METTL15: variants seen among roughly 807,000 people sequenced by gnomAD.
The protein encoded by METTL15 is 12S rRNA N(4)-cytidine methyltransferase METTL15.
Under a neutral mutation model 38.3 loss-of-function variants are expected in METTL15, and 34 were observed. The observed-to-expected ratio is 0.89, with a 90% CI of 0.68 to 1.18. The LOEUF is 1.18. METTL15 is among the 50% of genes most tolerant of loss of function. The pLI, the probability that METTL15 is intolerant of heterozygous loss-of-function variation, is 0.00. For missense variants in METTL15, 438 were observed against 498.4 expected (o/e 0.88, Z 1.15); for synonymous variants, 162 against 170.9 (o/e 0.95, Z 0.41).
At chr11:28,144,977 C>A in intron 3 of METTL15, 1 of 208,604 alleles carries the variant, frequency 4.8e-6, no homozygotes, top group South Asian at 9.6e-5. Context: ...GCCACTGAAC[C>A]ATTCAGCACA....
intron 4 of METTL15, among the ~76,000 whole-genome samples, chr11:28,285,138 G>A (rs540383225): frequency 6.6e-6 from 1 of 152,152 alleles, no homozygotes; most frequent in South Asian, 2.1e-4. Flanking sequence ...CTTCCACCAT[G>A]ATTATAAATT....
At chr11:28,457,171 A>T (rs1039003290) in intron 6 of METTL15, among the ~76,000 whole-genome samples, 3 of 152,218 alleles carry the variant, frequency 2.0e-5, no homozygotes, top group Non-Finnish European at 4.4e-5. Flanking sequence ...CTGCCTCTGG[A>T]TGTTTTAAGC....
At chr11:28,400,139 A>G (rs1850616948) in intron 5 of METTL15, among the ~76,000 whole-genome samples, 2 of 151,966 alleles carry the variant, frequency 1.3e-5, no homozygotes, top group African/African-American at 4.8e-5. Context: ...ATTTGGGATC[A>G]TAGATTTGGC....
chr11:28,181,052 CCT>C (rs1362290701), intron 3 of METTL15, among the ~76,000 whole-genome samples: 1 of 151,472 alleles, frequency 6.6e-6, no homozygotes, highest in African/African-American at 2.4e-5. Context: ...TCTCTCCTTT[CCT>C]CTTTGTCCTG....
At chr11:28,430,566 G>A (rs1332956786) in intron 6 of METTL15, among the ~76,000 whole-genome samples, 2 of 38,094 alleles carry the variant, frequency 5.3e-5, no homozygotes, top group East Asian at 8.9e-4. Context: ...TCAGCCCCCC[G>A]CCTGGCCAGC....
intron 3 of METTL15, among the ~76,000 whole-genome samples, chr11:28,130,905 T>C (rs1168513536): frequency 6.6e-6 from 1 of 152,200 alleles, no homozygotes; most frequent in Non-Finnish European, 1.5e-5. Flanking sequence ...AATGACATTT[T>C]GTTTTAGGCT....
intron 6 of METTL15, among the ~76,000 whole-genome samples, chr11:28,496,112 G>A (rs930391768): frequency 1.3e-5 from 2 of 152,150 alleles, no homozygotes; most frequent in African/African-American, 2.4e-5. Context: ...TTCTCACACT[G>A]CTAATAAAGA....
In METTL15 at chr11:28,264,441, C is replaced by A. The variant is rs1220935289; in HGVS notation, c.408-25765C>A. Among the ~76,000 whole-genome samples, 3 of 151,880 alleles carry A rather than the reference C, an allele frequency of 2.0e-5. No individual in the cohort carries two copies. The East Asian group carries it at 5.8e-4, about 29-fold the overall frequency. On this transcript the variant is annotated intron_variant, in intron 4 of 6. Transcript: ENST00000407364. Reference sequence around the variant, plus strand: ...CTCAAAAATCAAAGTAGAATGAGAACCCTACCTTAAAATATGTTTGTTTGT... The same window carrying A: ...CTCAAAAATCAAAGTAGAATGAGAAACCTACCTTAAAATATGTTTGTTTGT...
chr11:28,446,997 T>G (rs1465822679), intron 6 of METTL15, among the ~76,000 whole-genome samples: 1 of 152,154 alleles, frequency 6.6e-6, no homozygotes, highest in Non-Finnish European at 1.5e-5. Context: ...TGTTGTTTTC[T>G]GAGTTTAAAA....
intron 4 of METTL15, among the ~76,000 whole-genome samples, chr11:28,230,561 CATAT>C (rs1331740460): frequency 6.6e-6 from 1 of 151,780 alleles, no homozygotes; most frequent in Non-Finnish European, 1.5e-5. Flanking sequence ...TATTTAGAGA[CATAT>C]TTTATTACAT....
chr11:28,307,823 A>G (rs1012826958), intron 6 of METTL15, among the ~76,000 whole-genome samples: 15 of 152,004 alleles, frequency 9.9e-5, no homozygotes, highest in Non-Finnish European at 2.9e-5. Context: ...GATCTTTCCT[A>G]GTTACATAGC....
At chr11:28,380,168 C>CTTT (rs34704753) in intron 5 of METTL15, among the ~76,000 whole-genome samples, 53 of 124,076 alleles carry the variant, frequency 4.3e-4, no homozygotes, top group Non-Finnish European at 5.7e-4. Flanking sequence ...CCACTTTATG[C>CTTT]TTTTTTTTTT....
chr11:28,298,934 G>T (rs1251048668), intron 6 of METTL15, among the ~76,000 whole-genome samples: 1 of 151,936 alleles, frequency 6.6e-6, no homozygotes, highest in African/African-American at 2.4e-5. Flanking sequence ...AAATACTAAA[G>T]GTAAAATAGG....
At chr11:28,242,815 G>C (rs1418216171) in intron 4 of METTL15, among the ~76,000 whole-genome samples, 1 of 152,146 alleles carries the variant, frequency 6.6e-6, no homozygotes, top group African/African-American at 2.4e-5. Flanking sequence ...TAAGTGGTCA[G>C]ATAACTAAAT....
intron 5 of METTL15, among the ~76,000 whole-genome samples, chr11:28,375,363 A>G (rs1305923524): frequency 6.6e-6 from 1 of 151,842 alleles, no homozygotes; most frequent in Admixed American, 6.6e-5. Context: ...TGGTCTATTC[A>G]GAGATTCAAC....
intron 4 of METTL15, among the ~76,000 whole-genome samples, chr11:28,278,440 C>T (rs1187964635): frequency 1.3e-5 from 2 of 152,056 alleles, no homozygotes; most frequent in South Asian, 4.1e-4. Flanking sequence ...ATAAACTTCC[C>T]TGTGAGGGCC....
intron 5 of METTL15, among the ~76,000 whole-genome samples, chr11:28,372,564 A>C (rs942541081): frequency 6.6e-6 from 1 of 151,808 alleles, no homozygotes; most frequent in Non-Finnish European, 1.5e-5. Context: ...ACATTTCTTA[A>C]AAATAACAGT....
intron 3 of METTL15, among the ~76,000 whole-genome samples, chr11:28,117,398 A>G (rs549186503): frequency 1.3e-5 from 2 of 151,782 alleles, no homozygotes; most frequent in African/African-American, 4.8e-5. Context: ...TTAGTTTATT[A>G]AACCCTAGTA....
chr11:28,495,756 C>T (rs1176376292), intron 6 of METTL15, among the ~76,000 whole-genome samples: 1 of 151,666 alleles, frequency 6.6e-6, no homozygotes, highest in Non-Finnish European at 1.5e-5. Flanking sequence ...AGCCCTCAAA[C>T]CAGAATCTCT....
Sources: allele counts gnomAD v4.1 joint callset (sites outside exome capture counted in the v4.1 genomes callset), GRCh38; gene constraint gnomAD v4.1.1; transcripts MANE v1.5; gene names NCBI Gene and HGNC (gene_info 2026-07-23, HGNC 2026-07-21).